The following RORA variants were observed in gnomAD, a reference collection of about 807,000 sequenced individuals.
RORA encodes RAR related orphan receptor A.
Under a neutral mutation model 69.5 loss-of-function variants are expected in RORA, and 7 were observed. The observed-to-expected ratio is 0.10, with a 90% CI of 0.06 to 0.19. The LOEUF (loss-of-function observed/expected upper bound fraction) is 0.19. Ranked by LOEUF, RORA falls within the 10% of genes least tolerant of loss-of-function variation. RORA has a pLI of 1.00. For synonymous variants in RORA, 261 were observed against 240.8 expected, an observed-to-expected ratio of 1.08 and a Z score of -0.78; for missense variants, 457 against 663.0, an observed-to-expected ratio of 0.69 and a Z score of 3.41.
chr15:60,809,507 T>A (rs1352930517), intron 1 of RORA, among the ~76,000 whole-genome samples: 1 of 152,228 alleles, frequency 6.6e-6, no homozygotes, highest in Non-Finnish European at 1.5e-5. Flanking sequence ...TACCTCCATA[T>A]CTCGAAATAA....
chr15:60,546,564 TG>T (rs2067076245), intron 2 of RORA: 1 of 152,110 alleles, frequency 6.6e-6, no homozygotes, highest in Non-Finnish European at 1.5e-5. Context: ...CTTAAAAAAA[TG>T]GGATTTTAAT....
intron 2 of RORA, among the ~76,000 whole-genome samples, chr15:60,661,682 GA>G (rs1270107753): frequency 6.6e-6 from 1 of 152,190 alleles, no homozygotes; most frequent in Non-Finnish European, 1.5e-5. Flanking sequence ...AGAGGCACGG[GA>G]ACTAAACACT....
At chr15:60,745,552 C>T (rs716593) in intron 1 of RORA, among the ~76,000 whole-genome samples, 5,264 of 152,250 alleles carry the variant, frequency 0.035, 118 homozygotes, top group Non-Finnish European at 0.047. Flanking sequence ...TTTCCTTGGC[C>T]TCGGCATGGC....
At chr15:60,626,578 G>C (rs1008914030) in intron 2 of RORA, among the ~76,000 whole-genome samples, 1 of 152,142 alleles carries the variant, frequency 6.6e-6, no homozygotes, top group Non-Finnish European at 1.5e-5. Context: ...AGTGCTTTGC[G>C]TGGATTGTCT....
At chr15:60,775,440 A>G (rs746631478) in intron 1 of RORA, among the ~76,000 whole-genome samples, 15 of 152,348 alleles carry the variant, frequency 9.8e-5, no homozygotes, top group East Asian at 1.9e-4. Flanking sequence ...CTATGGAGAC[A>G]CTACAATTAA....
At chr15:60,806,062 A>G (rs1002145710) in intron 1 of RORA, among the ~76,000 whole-genome samples, 1 of 152,208 alleles carries the variant, frequency 6.6e-6, no homozygotes, top group African/African-American at 2.4e-5. Context: ...TGCTTGGCCA[A>G]TCTGACTGCA....
At chr15:61,121,647 C>T (rs2079105663) in intron 1 of RORA, among the ~76,000 whole-genome samples, 1 of 152,088 alleles carries the variant, frequency 6.6e-6, no homozygotes, top group Non-Finnish European at 1.5e-5. Flanking sequence ...CTCTGGGCAT[C>T]GCTGGAGCTG....
At chr15:60,775,644 C>A (rs1353375495) in intron 1 of RORA, among the ~76,000 whole-genome samples, 1 of 152,198 alleles carries the variant, frequency 6.6e-6, no homozygotes, top group Non-Finnish European at 1.5e-5. Flanking sequence ...CACACACGCA[C>A]AATTCATTTA....
intron 1 of RORA, among the ~76,000 whole-genome samples, chr15:61,186,902 A>G (rs1271672680): frequency 6.6e-6 from 1 of 152,200 alleles, no homozygotes; most frequent in Non-Finnish European, 1.5e-5. Context: ...ACTAAAGAAG[A>G]AAAAGTTCAG....
intron 1 of RORA, among the ~76,000 whole-genome samples, chr15:60,951,881 T>C (rs1370688607): frequency 1.3e-5 from 2 of 150,704 alleles, no homozygotes; most frequent in Non-Finnish European, 1.5e-5. Flanking sequence ...ACTGGTACCA[T>C]TCCTTCTGAA....
Position 60,511,263 on chromosome 15 carries a change from G to A in RORA, c.783C>T (p.Asn261=), listed in dbSNP as rs61743834. ...SGFFPYCSFT[N]GETSPTVSMA... ...TGGACACAGTTGGGGAAGTCTCGCC[G>A]TTGGTGAACGAACAGTAGGGAAAGA... is the stretch of plus-strand genomic sequence containing the variant. The change falls in exon 5 of 11, where the codon AAC becomes AAT. Residue 261 remains asparagine, a synonymous_variant. Transcript: ENST00000335670. The surrounding 1 kb of genome is among the most constrained non-coding windows in gnomAD (Gnocchi z 6.4). 7,431 of 1,614,046 alleles carry A rather than the reference G, an allele frequency of 4.6e-3. 297 individuals carry two copies. In the African/African-American group the frequency reaches 0.083, roughly 18 times the overall value.
At chr15:60,684,847 G>A (rs913737934) in intron 1 of RORA, among the ~76,000 whole-genome samples, 9 of 152,158 alleles carry the variant, frequency 5.9e-5, no homozygotes, top group Admixed American at 5.9e-4. Flanking sequence ...GCTTTCACAA[G>A]ATTTATTCTC....
chr15:60,910,339 T>C (rs1005885739), intron 1 of RORA, among the ~76,000 whole-genome samples: 6 of 152,238 alleles, frequency 3.9e-5, no homozygotes, highest in Non-Finnish European at 8.8e-5. Context: ...AGCCCTATTC[T>C]TATCAGGAAA....
chr15:61,139,287 A>G (rs2079275049), intron 1 of RORA, among the ~76,000 whole-genome samples: 1 of 152,232 alleles, frequency 6.6e-6, no homozygotes, highest in Admixed American at 6.5e-5. Flanking sequence ...TATTTTCCAC[A>G]GAACAACTAC....
chr15:60,564,873 C>G (rs2067673055), intron 2 of RORA, among the ~76,000 whole-genome samples: 1 of 152,160 alleles, frequency 6.6e-6, no homozygotes, highest in African/African-American at 2.4e-5. Flanking sequence ...ACCCTGCAAC[C>G]AGTACAATAA....
In RORA at chr15:60,592,285, C is replaced by A. The variant is rs1012045753; in HGVS notation, c.197-60434G>T. The A allele has an allele frequency of 6.1e-6, 5 of 825,440 alleles. No homozygotes were observed. In the African/African-American group the frequency reaches 9.1e-5, roughly 15 times the overall value. 51.1% of individuals were successfully genotyped at this position (825,440 alleles called of 1,614,324 possible). On this transcript the variant is annotated intron_variant, in intron 2 of 10. Coordinates refer to ENST00000335670, the MANE Select transcript of RORA (RefSeq NM_134261.3). ...CCCCCGCGCCGAGCCCCGGGCAGTA[C>A]GTGCGTTCGGGCAGGCGCGCCCACC...
chr15:60,831,821 T>C (rs2140391817), intron 1 of RORA, among the ~76,000 whole-genome samples: 1 of 152,220 alleles, frequency 6.6e-6, no homozygotes, highest in East Asian at 1.9e-4. Context: ...GAAATACTTG[T>C]GGCTGATTAA....
At chr15:60,816,533 A>G (rs560711703) in intron 1 of RORA, among the ~76,000 whole-genome samples, 9 of 91,118 alleles carry the variant, frequency 9.9e-5, no homozygotes, top group Admixed American at 6.3e-4. Context: ...TATATACTGT[A>G]AACAGTATAT....
chr15:60,770,910 AG>A (rs2072063296), intron 1 of RORA, among the ~76,000 whole-genome samples: 1 of 152,242 alleles, frequency 6.6e-6, no homozygotes, highest in African/African-American at 2.4e-5. Flanking sequence ...GTAAAATGCT[AG>A]ATACCCAGGT....
Sources: gnomAD v4.1 joint callset for allele counts (sites outside exome capture counted in the v4.1 genomes callset) on GRCh38, gnomAD v4.1.1 for gene constraint, Gnocchi (gnomAD v3.1) non-coding constraint, MANE v1.5 for transcripts, NCBI Gene and HGNC (gene_info 2026-07-23, HGNC 2026-07-21) for gene names.